Variants in NAALADL2 observed in about 807,000 individuals in gnomAD.
The protein encoded by NAALADL2 is N-acetylated alpha-linked acidic dipeptidase like 2.
A neutral mutation model predicts 87.2 loss-of-function variants in NAALADL2; 76 were observed. The observed-to-expected ratio is 0.87, with a 90% CI of 0.72 to 1.05. The LOEUF (loss-of-function observed/expected upper bound fraction) is 1.05, where lower values mean the gene tolerates loss of function less well. Ranked by LOEUF, NAALADL2 falls within the 50% of genes least tolerant of loss-of-function variation. The pLI is 0.00. For missense variants in NAALADL2, 1,089 were observed against 945.8 expected (o/e 1.15, Z -1.99); for synonymous variants, 354 against 331.0 (o/e 1.07, Z -0.75).
At chr3:175,205,312 G>A (rs1740652427) in intron 2 of NAALADL2, among the ~76,000 whole-genome samples, 1 of 152,092 alleles carries the variant, frequency 6.6e-6, no homozygotes, top group Admixed American at 6.6e-5. Flanking sequence ...ACAGCCAGCT[G>A]ATCTTTGATG....
intron 1 of NAALADL2, among the ~76,000 whole-genome samples, chr3:174,918,254 C>T (rs1360871057): frequency 6.6e-6 from 1 of 151,634 alleles, no homozygotes; most frequent in East Asian, 1.9e-4. Context: ...AAATAACACA[C>T]TAGATTTTGG....
At chr3:174,593,732 C>A (rs547858539) in intron 2 of NAALADL2, among the ~76,000 whole-genome samples, 1 of 152,210 alleles carries the variant, frequency 6.6e-6, no homozygotes, top group African/African-American at 2.4e-5. Context: ...CATTCATGGA[C>A]TTTTATGACC....
intron 10 of NAALADL2, among the ~76,000 whole-genome samples, chr3:175,612,394 T>C (rs1216808991): frequency 6.6e-6 from 1 of 152,142 alleles, no homozygotes; most frequent in African/African-American, 2.4e-5. Flanking sequence ...TTGTTCCTGG[T>C]TTCATTTCCC....
At chr3:174,529,618 C>T (rs969800925) in intron 1 of NAALADL2, among the ~76,000 whole-genome samples, 1 of 152,188 alleles carries the variant, frequency 6.6e-6, no homozygotes, top group Non-Finnish European at 1.5e-5. Flanking sequence ...AACATCCAGG[C>T]ATTTTCGAAC....
chr3:174,726,901 T>G (rs1286356566), intron 2 of NAALADL2, among the ~76,000 whole-genome samples: 1 of 152,144 alleles, frequency 6.6e-6, no homozygotes, highest in Non-Finnish European at 1.5e-5. Flanking sequence ...GTCCGTTTTA[T>G]CTCCATGCTA....
At chr3:175,501,424 G>GACACACACGCACAC (rs1729528014) in intron 9 of NAALADL2, among the ~76,000 whole-genome samples, 1 of 148,818 alleles carries the variant, frequency 6.7e-6, no homozygotes, top group East Asian at 2.0e-4. Context: ...ATACGTTTTA[G>GACACACACGCACAC]ACACACACAC....
At chr3:175,670,747 C>A (rs1485422986) in intron 11 of NAALADL2, among the ~76,000 whole-genome samples, 1 of 150,914 alleles carries the variant, frequency 6.6e-6, no homozygotes. Flanking sequence ...TATTACCACA[C>A]AAAATTATCC....
At chr3:175,304,287 T>C (rs1165106960) in intron 4 of NAALADL2, among the ~76,000 whole-genome samples, 1 of 152,130 alleles carries the variant, frequency 6.6e-6, no homozygotes, top group East Asian at 1.9e-4. Context: ...TAGTGGATAC[T>C]CTCCTTCTTT....
chr3:175,381,104 T>C (rs1767732068), intron 5 of NAALADL2, among the ~76,000 whole-genome samples: 1 of 152,112 alleles, frequency 6.6e-6, no homozygotes, highest in African/African-American at 2.4e-5. Context: ...AGAAATACTT[T>C]GTAAGCATCT....
At chr3:175,129,394 C>T (rs930831582) in intron 2 of NAALADL2, among the ~76,000 whole-genome samples, 1 of 152,058 alleles carries the variant, frequency 6.6e-6, no homozygotes, top group Non-Finnish European at 1.5e-5. Context: ...CATTAGTCAC[C>T]ATGGTGTACA....
At chr3:175,239,926 T>G (rs1746542461) in intron 3 of NAALADL2, among the ~76,000 whole-genome samples, 1 of 152,340 alleles carries the variant, frequency 6.6e-6, no homozygotes, top group Admixed American at 6.5e-5. Context: ...ATGTTAGCTC[T>G]TATTGTCCTG....
At chr3:174,838,156 G>T (rs1723583929) in intron 3 of NAALADL2, among the ~76,000 whole-genome samples, 1 of 151,986 alleles carries the variant, frequency 6.6e-6, no homozygotes, top group South Asian at 2.1e-4. Context: ...TGATCAAGTG[G>T]GTTTCATACC....
intron 1 of NAALADL2, among the ~76,000 whole-genome samples, chr3:175,071,086 G>A (rs939448964): frequency 6.6e-6 from 1 of 152,040 alleles, no homozygotes; most frequent in Non-Finnish European, 1.5e-5. Context: ...CTAGGAGGAA[G>A]CCAGTTAGGT....
intron 1 of NAALADL2, among the ~76,000 whole-genome samples, chr3:175,054,568 C>T (rs1047164894): frequency 1.3e-5 from 2 of 152,184 alleles, no homozygotes; most frequent in African/African-American, 4.8e-5. Context: ...TAATTGTTCA[C>T]TAACTAATCC....
At chr3:175,195,482 A>G (rs62285873) in intron 2 of NAALADL2, among the ~76,000 whole-genome samples, 56,390 of 151,394 alleles carry the variant, frequency 0.37, 11,650 homozygotes, top group East Asian at 0.52. Context: ...AGGTAGATAT[A>G]TAGACCCAAA....
chr3:174,532,073 T>C (rs368235376), intron 1 of NAALADL2, among the ~76,000 whole-genome samples: 1 of 152,174 alleles, frequency 6.6e-6, no homozygotes, highest in East Asian at 1.9e-4. Flanking sequence ...AGTTTTAGTA[T>C]AAATATAAAC....
intron 11 of NAALADL2, among the ~76,000 whole-genome samples, chr3:175,728,989 T>C (rs1743303627): frequency 6.6e-6 from 1 of 152,200 alleles, no homozygotes; most frequent in Non-Finnish European, 1.5e-5. Flanking sequence ...TCCCTTGGTC[T>C]AGAATACCTT....
intron 1 of NAALADL2, among the ~76,000 whole-genome samples, chr3:175,007,851 G>A (rs751314271): frequency 6.6e-5 from 10 of 152,030 alleles, no homozygotes; most frequent in African/African-American, 9.7e-5. Context: ...ATATACCATC[G>A]TCACTACTGT....
chr3:174,777,167 C>G (rs1008700770), intron 3 of NAALADL2, among the ~76,000 whole-genome samples: 4 of 151,980 alleles, frequency 2.6e-5, no homozygotes, highest in African/African-American at 9.7e-5. Context: ...GTCTAATCAC[C>G]TTGTATGGAA....
Sources: gnomAD v4.1 joint callset for allele counts (sites outside exome capture counted in the v4.1 genomes callset) on GRCh38, gnomAD v4.1.1 for gene constraint, MANE v1.5 for transcripts, NCBI Gene and HGNC (gene_info 2026-07-23, HGNC 2026-07-21) for gene names.